Variants in ARHGAP18 observed in about 807,000 individuals in gnomAD.
ARHGAP18 encodes rho GTPase-activating protein 18.
In ARHGAP18, 67 loss-of-function variants were observed where a neutral mutation model predicts 86.2. That is an observed-to-expected ratio of 0.78 (90% CI 0.64 to 0.95). ARHGAP18 has a LOEUF of 0.95. ARHGAP18 is among the 40% of genes least tolerant of loss of function. The probability of loss-of-function intolerance (pLI) is 0.00; values close to 1 mark genes in which losing one functional copy is unlikely to be tolerated. For synonymous variants in ARHGAP18, 283 were observed against 280.4 expected (o/e 1.01, Z -0.09); for missense variants, 691 against 780.4 (o/e 0.89, Z 1.37).
chr6:129,591,636 C>T (rs56918402), intron 12 of ARHGAP18, among the ~76,000 whole-genome samples: 30,644 of 152,016 alleles, frequency 0.2, 5,908 homozygotes, highest in African/African-American at 0.48. Flanking sequence ...AAAAACACTG[C>T]ATTGCTCATA....
At chr6:129,585,671 AC>A (rs1303172827) in intron 12 of ARHGAP18, among the ~76,000 whole-genome samples, 1 of 152,190 alleles carries the variant, frequency 6.6e-6, no homozygotes, top group Non-Finnish European at 1.5e-5. Flanking sequence ...GCCACAGAAC[AC>A]ATTACTCCAA....
At chr6:129,608,088 A>AAGC (rs779052634) in intron 8 of ARHGAP18, 36 bp from the exon 9 acceptor site, 2 of 1,494,404 alleles carry the variant, frequency 1.3e-6, no homozygotes, top group East Asian at 4.7e-5. Context: ...AAAAAAAAAG[A>AAGC]AGCAGCTAGA....
At chr6:129,675,365 CA>C (rs1358504147) in intron 1 of ARHGAP18, among the ~76,000 whole-genome samples, 1 of 133,214 alleles carries the variant, frequency 7.5e-6, no homozygotes, top group Non-Finnish European at 1.6e-5. Flanking sequence ...GCCTGGGCAA[CA>C]GAGCGAGACT....
At chr6:129,583,930 A>C in intron 13 of ARHGAP18, 58 bp downstream of exon 13, 1 of 1,285,242 alleles carries the variant, frequency 7.8e-7, no homozygotes, top group Non-Finnish European at 1.0e-6. Context: ...AGCGAAGGCG[A>C]GAGAGAGAGA....
intron 1 of ARHGAP18, among the ~76,000 whole-genome samples, chr6:129,689,716 A>G (rs970945598): frequency 6.6e-6 from 1 of 152,238 alleles, no homozygotes; most frequent in African/African-American, 2.4e-5. Flanking sequence ...CCCTTTCAGC[A>G]TAATTGCAGG....
intron 1 of ARHGAP18, among the ~76,000 whole-genome samples, chr6:129,691,731 C>T (rs986086468): frequency 3.3e-5 from 5 of 152,214 alleles, no homozygotes; most frequent in African/African-American, 2.4e-5. Context: ...CTGGCTGATA[C>T]TACATTCACA....
intron 1 of ARHGAP18, among the ~76,000 whole-genome samples, chr6:129,657,355 GA>G (rs1473668620): frequency 6.6e-6 from 1 of 150,840 alleles, no homozygotes; most frequent in East Asian, 2.0e-4. Context: ...ACTGATCAAA[GA>G]GAGGTAATTT....
chr6:129,641,941 G>C lies in ARHGAP18; in HGVS notation c.191C>G (p.Ser64Ter). Reference sequence around the variant, plus strand: ...TTCATCCAAAGAATCCTGGGAAATTGATCGATCAAATGGAGGCTTCTCCAT... The same window carrying C: ...TTCATCCAAAGAATCCTGGGAAATTCATCGATCAAATGGAGGCTTCTCCAT... ...KVMEKPPFDR[S>*]ISQDSLDELS... Residue 64 changes from serine to a stop codon, truncating the protein, a stop_gained, in exon 2 of 15, where the codon TCA becomes TGA. Transcript: ENST00000368149. LOFTEE classifies it high-confidence loss of function. 6.2e-7 allele frequency: 1 copy of C among 1,613,942 alleles called. No individual in the cohort carries two copies. The highest frequency in any genetic ancestry group is 8.5e-7 in the Non-Finnish European group (1 of 1,179,900).
chr6:129,709,893 C>T (rs1774874819), intron 1 of ARHGAP18, 131 bp downstream of exon 1: 1 of 682,060 alleles, frequency 1.5e-6, no homozygotes, highest in Non-Finnish European at 2.5e-6. Context: ...CCAAACGTTG[C>T]TACTGCTGCT....
chr6:129,595,114 C>A (rs566856917), intron 12 of ARHGAP18, among the ~76,000 whole-genome samples: 5 of 145,414 alleles, frequency 3.4e-5, no homozygotes, highest in South Asian at 2.1e-4. Flanking sequence ...ATAATACACC[C>A]CAATTAGACT....
In ARHGAP18 at chr6:129,629,452, G is replaced by C. The variant is rs779602809; in HGVS notation, c.687C>G (p.Asp229Glu). The C allele has an allele frequency of 6.2e-7, 1 of 1,613,926 alleles. No homozygotes were observed. The highest frequency in any genetic ancestry group is 8.5e-7 in the Non-Finnish European group (1 of 1,179,948). Residue 229 changes from aspartate (D) to glutamate (E), a missense_variant, in exon 5 of 15, where the codon GAC becomes GAG. Transcript: ENST00000368149. ...PPEETPAPET[D>E]INLEVSFAEQ... ...CGGCAAATGATACCTCCAGGTTGAT[G>C]TCTGTTTCAGGGGCAGGCGTCTCCT... is the stretch of plus-strand genomic sequence containing the variant.
chr6:129,625,764 A>C (rs1789426391), intron 5 of ARHGAP18, among the ~76,000 whole-genome samples: 1 of 56,164 alleles, frequency 1.8e-5, no homozygotes, highest in South Asian at 5.1e-4. Context: ...ATATTTATAT[A>C]TTATATATAT....
chr6:129,603,477 G>A (rs1479825273), intron 10 of ARHGAP18, among the ~76,000 whole-genome samples: 3 of 152,050 alleles, frequency 2.0e-5, no homozygotes, highest in Non-Finnish European at 2.9e-5. Flanking sequence ...ATCAATCACC[G>A]GGTTCACTCT....
Position 129,577,586 on chromosome 6 carries a change from T to TAAA in ARHGAP18, c.*924_*926dup, listed in dbSNP as rs60420681. On this transcript the variant is annotated 3_prime_UTR_variant, in exon 15 of 15. Coordinates refer to ENST00000368149, the MANE Select transcript of ARHGAP18 (RefSeq NM_033515.3). ...TCTTCCAGTAGACTTATTCAGGACT[T>TAAA]AAAAAAAAAAATCCCTCTTTAAGTA... The TAAA allele has an allele frequency of 2.0e-5, 3 of 147,788 alleles. No homozygotes were observed. The highest frequency in any genetic ancestry group is 7.4e-5 in the African/African-American group (3 of 40,618). The allele number at this position is 147,788 out of a possible 1,614,324, so 9.2% of individuals were successfully genotyped here. A position where few individuals can be genotyped will look rare whatever the true frequency, so the allele number is the denominator to read the frequency against.
At chr6:129,650,485 C>T (rs1266654761) in intron 1 of ARHGAP18, among the ~76,000 whole-genome samples, 1 of 152,146 alleles carries the variant, frequency 6.6e-6, no homozygotes, top group East Asian at 1.9e-4. Flanking sequence ...TTCTTTGTTC[C>T]TGAGCTTGCC....
intron 5 of ARHGAP18, among the ~76,000 whole-genome samples, chr6:129,625,963 TTATATATTATATATA>T (rs1562698754): frequency 3.2e-4 from 26 of 81,934 alleles, no homozygotes; most frequent in Middle Eastern, 6.2e-3. Flanking sequence ...TATTATATAT[TTATATATTATATATA>T]TTTATATTAT....
intron 1 of ARHGAP18, among the ~76,000 whole-genome samples, chr6:129,650,901 G>A (rs578261969): frequency 6.6e-6 from 1 of 152,202 alleles, no homozygotes; most frequent in Admixed American, 6.5e-5. Context: ...TGTGGGGCTG[G>A]AATAAGCTTG....
intron 5 of ARHGAP18, among the ~76,000 whole-genome samples, chr6:129,628,132 C>T (rs1223840074): frequency 6.6e-6 from 1 of 151,938 alleles, no homozygotes; most frequent in Admixed American, 6.6e-5. Flanking sequence ...TTAGAAAATG[C>T]AAGATATTCA....
chr6:129,605,770 C>T lies in ARHGAP18; in HGVS notation c.1365+107G>A, dbSNP rs535178512. 20 of 1,038,914 alleles carry T rather than the reference C, an allele frequency of 1.9e-5. 1 individual carries two copies. The South Asian group carries it at 2.4e-4, about 12-fold the overall frequency. The allele number at this position is 1,038,914 out of a possible 1,614,324, so 64.4% of individuals were successfully genotyped here. The stretch of plus-strand genomic sequence containing the variant: ...TAAAAGTAGGCTTTTTCTTTATAGA[C>T]TTTTATGACCATGTCCAAGATACAC... On this transcript the variant is annotated intron_variant, in intron 10 of 14. Coordinates refer to ENST00000368149, the MANE Select transcript of ARHGAP18 (RefSeq NM_033515.3).
Sources: allele counts gnomAD v4.1 joint callset (sites outside exome capture counted in the v4.1 genomes callset), GRCh38; gene constraint gnomAD v4.1.1; transcripts MANE v1.5; gene names NCBI Gene and HGNC (gene_info 2026-07-23, HGNC 2026-07-21).